Variants in VTI1A observed in about 807,000 individuals in gnomAD.
The protein encoded by VTI1A is vesicle transport through interaction with t-SNAREs 1A.
In VTI1A, 22 loss-of-function variants were observed where a neutral mutation model predicts 34.9. That is an observed-to-expected ratio of 0.63 (90% CI 0.45 to 0.90). The LOEUF is 0.90. VTI1A is among the 40% of genes least tolerant of loss of function. The probability of loss-of-function intolerance (pLI) is 0.00; values close to 1 mark genes in which losing one functional copy is unlikely to be tolerated. For missense variants in VTI1A, 268 were observed against 275.6 expected (o/e 0.97, Z 0.20); for synonymous variants, 87 against 97.3 (o/e 0.89, Z 0.62).
At chr10:112,727,776 G>A (rs1351100647) in intron 7 of VTI1A, among the ~76,000 whole-genome samples, 1 of 151,922 alleles carries the variant, frequency 6.6e-6, no homozygotes, top group African/African-American at 2.4e-5. Context: ...AAAGGCAAAC[G>A]AGATATGGTC....
intron 3 of VTI1A, among the ~76,000 whole-genome samples, chr10:112,501,981 A>G (rs1481298169): frequency 6.6e-6 from 1 of 151,434 alleles, no homozygotes; most frequent in African/African-American, 2.4e-5. Flanking sequence ...CCTTAAAGTT[A>G]AGTAGCAAAA....
chr10:112,728,191 C>T (rs532625998), intron 7 of VTI1A, among the ~76,000 whole-genome samples: 1 of 151,544 alleles, frequency 6.6e-6, no homozygotes. Context: ...TTCTTCCCCC[C>T]ACCCCCCTCA....
At position 112,474,458 on chromosome 10, in the gene VTI1A, C is replaced by CTTTT. The variant is rs35475815; in HGVS notation, c.264+9813_264+9816dup. 6.4e-3 allele frequency among the ~76,000 whole-genome samples: 904 copies of CTTTT among 142,070 alleles called. 13 individuals are homozygous for CTTTT. Among genetic ancestry groups the CTTTT allele is most frequent in the African/African-American group, 0.022 (869 of 39,064 alleles). The allele number at this position is 142,070 out of a possible 152,430, so 93.2% of individuals were successfully genotyped here. On this transcript the variant is annotated intron_variant, in intron 3 of 7. Coordinates refer to ENST00000393077, the MANE Select transcript of VTI1A (RefSeq NM_145206.4). Reference sequence around the variant, plus strand: ...TTCATTTTCTTTTCTTCATTCTTTCCTTTTTTTTTTTTTTTAAGACAGGGC... The same window carrying CTTTT: ...TTCATTTTCTTTTCTTCATTCTTTCCTTTTTTTTTTTTTTTTTTTAAGACAGGGC...
chr10:112,681,037 A>G (rs911951007), intron 7 of VTI1A, among the ~76,000 whole-genome samples: 2 of 151,464 alleles, frequency 1.3e-5, no homozygotes, highest in Non-Finnish European at 1.5e-5. Context: ...GAAAGCTTCA[A>G]TCTTACCTTA....
At chr10:112,721,006 T>C (rs972852467) in intron 7 of VTI1A, among the ~76,000 whole-genome samples, 93 of 152,362 alleles carry the variant, frequency 6.1e-4, no homozygotes, top group African/African-American at 1.5e-3. Flanking sequence ...GTGACATTTA[T>C]TGTTGAGTAC....
At chr10:112,697,030 A>G (rs1460909555) in intron 7 of VTI1A, among the ~76,000 whole-genome samples, 4 of 152,172 alleles carry the variant, frequency 2.6e-5, no homozygotes, top group East Asian at 1.9e-4. Flanking sequence ...CTAATGATGT[A>G]TCAGTTTTTC....
chr10:112,576,283 G>C (rs932499020), intron 5 of VTI1A, among the ~76,000 whole-genome samples: 7 of 147,568 alleles, frequency 4.7e-5, no homozygotes, highest in Non-Finnish European at 1.0e-4. Context: ...GCCTCCCAAA[G>C]TGCTGGGATT....
At chr10:112,609,856 C>G (rs537560635) in intron 5 of VTI1A, among the ~76,000 whole-genome samples, 1 of 152,098 alleles carries the variant, frequency 6.6e-6, no homozygotes. Flanking sequence ...CTGCTGAAGT[C>G]TCCATGGCCC....
intron 5 of VTI1A, among the ~76,000 whole-genome samples, chr10:112,554,820 G>A (rs1851487783): frequency 6.6e-6 from 1 of 151,960 alleles, no homozygotes; most frequent in South Asian, 2.1e-4. Context: ...AGTGCTTCTA[G>A]TAATTACAAA....
At chr10:112,675,164 C>A (rs915398799) in intron 7 of VTI1A, among the ~76,000 whole-genome samples, 4 of 152,160 alleles carry the variant, frequency 2.6e-5, no homozygotes, top group African/African-American at 9.7e-5. Flanking sequence ...ACCAAAAAAA[C>A]TGCTACTTAT....
intron 7 of VTI1A, among the ~76,000 whole-genome samples, chr10:112,724,850 A>T (rs1039786735): frequency 6.6e-6 from 1 of 151,820 alleles, no homozygotes; most frequent in African/African-American, 2.4e-5. Context: ...GAGACAAAAT[A>T]GTGTAATGAA....
chr10:112,806,625 A>AC (rs770442740), intron 7 of VTI1A, among the ~76,000 whole-genome samples: 1 of 150,606 alleles, frequency 6.6e-6, no homozygotes, highest in Non-Finnish European at 1.5e-5. Context: ...TCACTCTGTC[A>AC]CCCAGGCTGG....
chr10:112,707,554 G>A (rs1302891666), intron 7 of VTI1A, among the ~76,000 whole-genome samples: 4 of 152,060 alleles, frequency 2.6e-5, no homozygotes, highest in East Asian at 1.9e-4. Context: ...GGCTGGTCTC[G>A]AACTCCTGAC....
intron 7 of VTI1A, among the ~76,000 whole-genome samples, chr10:112,805,494 G>C (rs1853043144): frequency 6.6e-6 from 1 of 152,164 alleles, no homozygotes. Context: ...TTTAGTTATG[G>C]GTTAAATTGC....
chr10:112,750,337 C>T (rs979254119), intron 7 of VTI1A, among the ~76,000 whole-genome samples: 1 of 152,140 alleles, frequency 6.6e-6, no homozygotes, highest in African/African-American at 2.4e-5. Flanking sequence ...TATAGGCATG[C>T]ACCACCATGC....
At chr10:112,807,025 G>A (rs1445547447) in intron 7 of VTI1A, among the ~76,000 whole-genome samples, 1 of 152,208 alleles carries the variant, frequency 6.6e-6, no homozygotes, top group Non-Finnish European at 1.5e-5. Flanking sequence ...TTCTTATTCT[G>A]AGATGTAAGA....
intron 3 of VTI1A, among the ~76,000 whole-genome samples, chr10:112,482,308 A>G (rs1387824429): frequency 6.6e-6 from 1 of 152,148 alleles, no homozygotes; most frequent in Non-Finnish European, 1.5e-5. Flanking sequence ...AAATGTTTTC[A>G]TCATATAAAT....
At chr10:112,649,961 T>C (rs986725915) in intron 5 of VTI1A, among the ~76,000 whole-genome samples, 1 of 152,172 alleles carries the variant, frequency 6.6e-6, no homozygotes, top group African/African-American at 2.4e-5. Flanking sequence ...ATGAGTGAGA[T>C]TGTAAAGGGC....
rs184705587 is a variant in VTI1A, at chr10:112,688,713, A to G, written c.560+19715A>G. 6.6e-5 allele frequency among the ~76,000 whole-genome samples: 10 copies of G among 150,760 alleles called. No individual in the cohort carries two copies. The East Asian group carries it at 1.9e-3, about 29-fold the overall frequency. On this transcript the variant is annotated intron_variant, in intron 7 of 7. Transcript: ENST00000393077. ...ATTTTTTGTTTGTTTGTTTGTTTGT[A>G]TTTTTAGTAGAGACGGGGTTTCATC...
Sources: gnomAD v4.1 joint callset for allele counts (sites outside exome capture counted in the v4.1 genomes callset) on GRCh38, gnomAD v4.1.1 for gene constraint, MANE v1.5 for transcripts, NCBI Gene and HGNC (gene_info 2026-07-23, HGNC 2026-07-21) for gene names.